The following PTPRN2 variants were observed in gnomAD, a reference collection of about 807,000 sequenced individuals.
PTPRN2 encodes protein tyrosine phosphatase receptor type N2, also known as receptor-type tyrosine-protein phosphatase N2.
PTPRN2 carries 74 observed loss-of-function variants against 118.8 expected under a neutral mutation model. That is an observed-to-expected ratio of 0.62 (90% CI 0.52 to 0.76). The LOEUF (loss-of-function observed/expected upper bound fraction) is 0.76, where lower values mean the gene tolerates loss of function less well. Among genes scored for constraint, PTPRN2 ranks in the 30% least tolerant of loss-of-function variants. The pLI is 0.00. For synonymous variants in PTPRN2, 641 were observed against 608.0 expected (o/e 1.05, Z -0.80); for missense variants, 1,481 against 1,394.4 (o/e 1.06, Z -0.99).
At chr7:158,119,614 G>GAGAGAGAGA (rs1563460397) in intron 9 of PTPRN2, among the ~76,000 whole-genome samples, 188 of 147,178 alleles carry the variant, frequency 1.3e-3, no homozygotes, top group African/African-American at 4.7e-3. Context: ...TTTGAAAGAG[G>GAGAGAGAGA]GAGAGAGAGA....
At chr7:158,105,908 A>G (rs1815645651) in intron 10 of PTPRN2, among the ~76,000 whole-genome samples, 1 of 144,284 alleles carries the variant, frequency 6.9e-6, no homozygotes, top group African/African-American at 2.6e-5. Context: ...CTCCATCACT[A>G]CTCCATCTCA....
chr7:157,542,752 A>G (rs1022926287), intron 22 of PTPRN2, among the ~76,000 whole-genome samples: 1 of 152,100 alleles, frequency 6.6e-6, no homozygotes, highest in Non-Finnish European at 1.5e-5. Flanking sequence ...CGCACTGTTT[A>G]GCTCAAAGGA....
intron 2 of PTPRN2, among the ~76,000 whole-genome samples, chr7:158,407,128 T>TGCGTCCC (rs1813520873): frequency 7.4e-6 from 1 of 135,292 alleles, no homozygotes; most frequent in Non-Finnish European, 1.6e-5. Flanking sequence ...TCCTGGGTCC[T>TGCGTCCC]GGGTCCTGCG....
At chr7:158,131,033 TATAC>T (rs1221879917) in intron 9 of PTPRN2, among the ~76,000 whole-genome samples, 1 of 125,180 alleles carries the variant, frequency 8.0e-6, no homozygotes, top group Non-Finnish European at 1.6e-5. Context: ...TACACACACT[TATAC>T]ACACACGTAC....
At chr7:158,110,371 T>G (rs1394605928) in intron 10 of PTPRN2, among the ~76,000 whole-genome samples, 1 of 152,186 alleles carries the variant, frequency 6.6e-6, no homozygotes, top group East Asian at 1.9e-4. Context: ...GCTGAGACCA[T>G]GGCCATGCCT....
chr7:158,341,608 CACCCACACTCTCACCATA>C, intron 2 of PTPRN2, among the ~76,000 whole-genome samples: 2 of 100,852 alleles, frequency 2.0e-5, no homozygotes, highest in African/African-American at 7.9e-5. Flanking sequence ...ACATCACTCA[CACCCACACTCTCACCATA>C]AGAGGTAACA....
rs184246995 is a variant in PTPRN2, at chr7:158,099,822, C to T, written c.1643+11007G>A. Among the ~76,000 whole-genome samples the T allele has an allele frequency of 3.5e-3, 266 of 76,280 alleles. 4 individuals are homozygous for T. The highest frequency in any genetic ancestry group is 0.015 in the African/African-American group (248 of 17,084). The allele number at this position is 76,280 out of a possible 152,430, so 50.0% of individuals were successfully genotyped here. A position where few individuals can be genotyped will look rare whatever the true frequency, so the allele number is the denominator to read the frequency against. ...CCTCCCCTTCCTCCCCCCAACACAT[C>T]CCGGCTGCCTCCTCTTCCTCCCCCC... On this transcript the variant is annotated intron_variant, in intron 10 of 22. Transcript: ENST00000389418.
chr7:158,507,929 C>A (rs146500237), intron 1 of PTPRN2, among the ~76,000 whole-genome samples: 1 of 150,910 alleles, frequency 6.6e-6, no homozygotes, highest in African/African-American at 2.5e-5. Context: ...GACAGCCCTG[C>A]GCTGGGCAGG....
In PTPRN2 at chr7:158,169,417, A is replaced by AGTGTGTGTGT. The variant is rs375257745; in HGVS notation, c.550-2136_550-2127dup. ...ACCACCATACCTGGCTGCTTTTGTG[A>AGTGTGTGTGT]GTGTGTGTGTGTGTGTGTGTGTGTG... On this transcript the variant is annotated intron_variant, in intron 5 of 22. Coordinates refer to ENST00000389418, the MANE Select transcript of PTPRN2 (RefSeq NM_002847.5). Among the ~76,000 whole-genome samples, 848 of 136,604 alleles carry AGTGTGTGTGT rather than the reference A, an allele frequency of 6.2e-3. 8 individuals carry two copies. Among genetic ancestry groups the AGTGTGTGTGT allele is most frequent in the East Asian group, 0.019 (83 of 4,450 alleles). 89.6% of individuals were successfully genotyped at this position (136,604 alleles called of 152,430 possible). A position where few individuals can be genotyped will look rare whatever the true frequency, so the allele number is the denominator to read the frequency against.
At chr7:157,758,387 G>T (rs1021061007) in intron 12 of PTPRN2, among the ~76,000 whole-genome samples, 7 of 152,202 alleles carry the variant, frequency 4.6e-5, no homozygotes, top group Admixed American at 2.0e-4. Context: ...TCCCCAAAGG[G>T]CAAGACCGGC....
In PTPRN2 at chr7:158,166,242, C is replaced by T; in HGVS notation, c.910+689G>A. On this transcript the variant is annotated intron_variant, in intron 6 of 22. Transcript: ENST00000389418. The stretch of plus-strand genomic sequence containing the variant: ...CACACTGTCCTCACACCCTCAGGAT[C>T]ATCTCCTCCTCCCCCTGGCTGCCGC... Among the ~76,000 whole-genome samples, 2 of 150,010 alleles carry T rather than the reference C, an allele frequency of 1.3e-5. 1 individual carries two copies. The highest frequency in any genetic ancestry group is 5.0e-5 in the African/African-American group (2 of 40,240).
intron 12 of PTPRN2, among the ~76,000 whole-genome samples, chr7:157,776,510 CCTCTCCTTCTCCCTCTCCTCT>C (rs1803278484): frequency 1.3e-5 from 1 of 79,134 alleles, no homozygotes; most frequent in Non-Finnish European, 2.7e-5. Context: ...TCTCCTCCTC[CCTCTCCTTCTCCCTCTCCTCT>C]CTCTCCTTCT....
intron 9 of PTPRN2, among the ~76,000 whole-genome samples, chr7:158,129,079 C>A (rs1414649060): frequency 6.7e-6 from 1 of 149,704 alleles, no homozygotes; most frequent in African/African-American, 2.5e-5. Context: ...AAATACAATA[C>A]ACACCATGCC....
chr7:157,606,059 G>A (rs780121150), intron 15 of PTPRN2, among the ~76,000 whole-genome samples: 3 of 152,250 alleles, frequency 2.0e-5, no homozygotes, highest in Non-Finnish European at 4.4e-5. Context: ...GCCCTCCTTC[G>A]GCTTCCCTCC....
chr7:158,037,391 C>A (rs189050909), intron 11 of PTPRN2, among the ~76,000 whole-genome samples: 5 of 152,288 alleles, frequency 3.3e-5, no homozygotes, highest in Non-Finnish European at 5.9e-5. Flanking sequence ...CTTACACACA[C>A]CCAGCTGGCA....
intron 2 of PTPRN2, among the ~76,000 whole-genome samples, chr7:158,465,487 G>C (rs186186888): frequency 1.3e-5 from 2 of 152,116 alleles, no homozygotes; most frequent in African/African-American, 4.8e-5. Context: ...ACATTCCTGA[G>C]CATCTAATCT....
chr7:158,355,996 G>A (rs1808359274), intron 2 of PTPRN2, among the ~76,000 whole-genome samples: 1 of 152,176 alleles, frequency 6.6e-6, no homozygotes, highest in African/African-American at 2.4e-5. Flanking sequence ...CACAGTGATT[G>A]AGCCCTCAAT....
At chr7:157,980,284 A>G (rs2128827726) in intron 11 of PTPRN2, among the ~76,000 whole-genome samples, 1 of 152,384 alleles carries the variant, frequency 6.6e-6, no homozygotes, top group East Asian at 1.9e-4. Context: ...GCATCTGAGT[A>G]AGAAAGTTCT....
intron 21 of PTPRN2, among the ~76,000 whole-genome samples, chr7:157,561,383 T>C (rs1034613740): frequency 1.3e-5 from 2 of 152,258 alleles, no homozygotes; most frequent in Non-Finnish European, 2.9e-5. Context: ...GCCCTCAGTT[T>C]CCTCTTCCTC....
Sources: allele counts gnomAD v4.1 joint callset (sites outside exome capture counted in the v4.1 genomes callset), GRCh38; gene constraint gnomAD v4.1.1; transcripts MANE v1.5; gene names NCBI Gene and HGNC (gene_info 2026-07-23, HGNC 2026-07-21).